The following NOTCH2 variants were observed in gnomAD, a reference collection of about 807,000 sequenced individuals.
The protein encoded by NOTCH2 is neurogenic locus notch homolog protein 2.
Under a neutral mutation model 235.8 loss-of-function variants are expected in NOTCH2, and 29 were observed. The observed-to-expected ratio is 0.12, with a 90% CI of 0.09 to 0.17. NOTCH2 has a LOEUF of 0.17. NOTCH2 is among the 10% of genes least tolerant of loss of function. The pLI, the probability that NOTCH2 is intolerant of heterozygous loss-of-function variation, is 1.00. For missense variants in NOTCH2, 2,285 were observed against 3,150.2 expected, an observed-to-expected ratio of 0.73 and a Z score of 6.57; for synonymous variants, 1,086 against 1,141.5, an observed-to-expected ratio of 0.95 and a Z score of 0.98.
intron 10 of NOTCH2, among the ~76,000 whole-genome samples, chr1:119,964,909 T>C (rs1206871357): frequency 1.3e-5 from 2 of 152,198 alleles, no homozygotes; most frequent in Non-Finnish European, 2.9e-5. Flanking sequence ...GCACAGATCG[T>C]TTTTGACTCT....
chr1:119,987,219 A>G (rs1391268147), intron 4 of NOTCH2, 137 bp from the exon 5 acceptor site: 1 of 986,756 alleles, frequency 1.0e-6, no homozygotes, highest in Non-Finnish European at 1.5e-6. Context: ...AGGACTCACC[A>G]TATGAAAAAT....
rs1009347541 is a variant in NOTCH2 at position 119,940,825 on chromosome 1, T to G, written c.2982-69A>C. ...GTGACTTACTACTACAAAGTAAGAT[T>G]TCTGGAATCTAAGATCATACAGAGG... On this transcript the variant is annotated intron_variant, in intron 18 of 33. Coordinates refer to ENST00000256646, the MANE Select transcript of NOTCH2 (RefSeq NM_024408.4). The G allele has an allele frequency of 4.4e-6, 6 of 1,367,204 alleles. No homozygotes were observed. The East Asian group carries it at 1.4e-4, about 32-fold the overall frequency. The allele number at this position is 1,367,204 out of a possible 1,614,324, so 84.7% of individuals were successfully genotyped here.
intron 31 of NOTCH2, among the ~76,000 whole-genome samples, 176 bp downstream of exon 31, chr1:119,919,136 G>A (rs1239044654): frequency 6.6e-6 from 1 of 152,168 alleles, no homozygotes; most frequent in Admixed American, 6.5e-5. Context: ...ATATAGCTAG[G>A]TCAATTTGCC....
At chr1:120,039,167 TA>T (rs1570774009) in intron 1 of NOTCH2, among the ~76,000 whole-genome samples, 1 of 152,102 alleles carries the variant, frequency 6.6e-6, no homozygotes, top group Non-Finnish European at 1.5e-5. Flanking sequence ...CTCAGTGTAA[TA>T]AAACCCAACA....
At position 119,965,417 on chromosome 1, in the gene NOTCH2, A is replaced by T. The variant is rs782785937; in HGVS notation, c.1681+36T>A. 2.0e-6 allele frequency: 3 copies of T among 1,494,672 alleles called. No individual in the cohort carries two copies. In the South Asian group the frequency reaches 3.4e-5, roughly 17 times the overall value. The allele number at this position is 1,494,672 out of a possible 1,614,324, so 92.6% of individuals were successfully genotyped here. A position where few individuals can be genotyped will look rare whatever the true frequency, so the allele number is the denominator to read the frequency against. ...CAATCACCCTATTTTGTTCAGATGG[A>T]CCTACCAAGGAGATGAAAAGTGAGA... On this transcript the variant is annotated intron_variant, in intron 10 of 33. Coordinates refer to ENST00000256646, the MANE Select transcript of NOTCH2 (RefSeq NM_024408.4).
Position 119,948,996 on chromosome 1 carries a change from CA to C in NOTCH2, c.2599+10del. 6.2e-7 allele frequency: 1 copy of C among 1,614,172 alleles called. No homozygotes were observed. The highest frequency in any genetic ancestry group is 8.5e-7 in the Non-Finnish European group (1 of 1,180,026). ...TGCATGTTCTTGGCTTCTCCACACC[CA>C]TGTTCTTACCTTGCCAGCCAGGAGC... is the stretch of plus-strand genomic sequence containing the variant. On this transcript the variant is annotated intron_variant, in intron 16 of 33. Coordinates refer to ENST00000256646, the MANE Select transcript of NOTCH2 (RefSeq NM_024408.4).
chr1:119,919,712 A>C, intron 30 of NOTCH2, 99 bp from the exon 31 acceptor site: 2 of 1,156,060 alleles, frequency 1.7e-6, no homozygotes, highest in Non-Finnish European at 2.5e-6. Flanking sequence ...TCTTAGGGGC[A>C]AAGAATTCCC....
Position 119,925,393 on chromosome 1 carries a change from A to G in NOTCH2, c.4423T>C (p.Tyr1475His). ...NCSSPLPCWD[Y>H]INNQCDELCN... Reference sequence around the variant, plus strand: ...AGCTCATCACACTGGTTGTTGATATAATCCCAGCAGGGAAGTGGGGAGGAG... The same window carrying G: ...AGCTCATCACACTGGTTGTTGATATGATCCCAGCAGGGAAGTGGGGAGGAG... The change falls in exon 25 of 34, where the codon TAT becomes CAT. Residue 1475 changes from tyrosine to histidine, a missense_variant. Transcript: ENST00000256646. The G allele has an allele frequency of 3.7e-6, 6 of 1,614,180 alleles. No individual in the cohort carries two copies. Among genetic ancestry groups the G allele is most frequent in the Non-Finnish European group, 5.1e-6 (6 of 1,180,028 alleles).
At chr1:119,923,502 G>A (rs916801935) in intron 26 of NOTCH2, 135 bp downstream of exon 26, 79 of 792,548 alleles carry the variant, frequency 1.0e-4, no homozygotes, top group African/African-American at 9.2e-4. Flanking sequence ...CTGGGGTAAC[G>A]GGTTTATCTT....
intron 4 of NOTCH2, chr1:119,995,470 G>A (rs782318615): frequency 5.3e-5 from 8 of 152,086 alleles, no homozygotes; most frequent in Non-Finnish European, 8.8e-5. Flanking sequence ...TAGAATATCA[G>A]ACCCAGAGAT....
intron 18 of NOTCH2, 47 bp downstream of exon 18, chr1:119,941,479 T>C (rs782222091): frequency 7.3e-7 from 1 of 1,367,794 alleles, no homozygotes; most frequent in East Asian, 2.3e-5. Context: ...CTTCCCTTTC[T>C]CCCTTTCTCT....
chr1:119,984,977 C>A (rs181203867), intron 5 of NOTCH2, among the ~76,000 whole-genome samples: 95 of 151,912 alleles, frequency 6.3e-4, no homozygotes, highest in African/African-American at 1.9e-3. Context: ...AGAAGGAAAC[C>A]CTAGAGAAAA....
intron 3 of NOTCH2, among the ~76,000 whole-genome samples, chr1:120,002,522 C>T (rs1227996409): frequency 6.6e-6 from 1 of 150,660 alleles, no homozygotes; most frequent in African/African-American, 2.4e-5. Context: ...TTGGGCCTCT[C>T]CATCAGGAAA....
intron 3 of NOTCH2, among the ~76,000 whole-genome samples, chr1:120,002,262 C>T (rs868954972): frequency 7.3e-5 from 11 of 150,706 alleles, no homozygotes; most frequent in South Asian, 2.1e-4. Flanking sequence ...TGGGTTCCTA[C>T]CTTTAAGTAA....
intron 15 of NOTCH2, chr1:119,950,004 G>C (rs1329269474): frequency 6.2e-6 from 1 of 160,398 alleles, no homozygotes; most frequent in Non-Finnish European, 1.4e-5. Flanking sequence ...AGAAAACAAA[G>C]AATAAATGTC....
chr1:119,981,698 G>A (rs1553201664), intron 5 of NOTCH2, among the ~76,000 whole-genome samples: 1 of 152,068 alleles, frequency 6.6e-6, no homozygotes, highest in African/African-American at 2.4e-5. Flanking sequence ...CTGGGGCAAG[G>A]GTGCTTCAGG....
At chr1:120,003,594 G>GA (rs1457410762) in intron 3 of NOTCH2, among the ~76,000 whole-genome samples, 3 of 150,776 alleles carry the variant, frequency 2.0e-5, no homozygotes, top group Non-Finnish European at 3.0e-5. Flanking sequence ...TAAAGCAGGA[G>GA]AAAAAATGAA....
intron 5 of NOTCH2, 34 bp downstream of exon 5, chr1:119,986,926 T>C (rs1361087631): frequency 1.9e-6 from 3 of 1,613,138 alleles, no homozygotes; most frequent in Non-Finnish European, 8.5e-7. Context: ...CCAATCCATA[T>C]CCCATTCTGG....
Position 119,922,356 on chromosome 1 carries a change from A to G in NOTCH2, c.5093T>C (p.Ile1698Thr), listed in dbSNP as rs751453549. ...IILFIILLGV[I>T]MAKRKRKHGS... ...ATGCTTACGCTTTCGTTTTGCCATG[A>G]TTACCCCCAGCAGAATAATAAACAG... The change falls in exon 28 of 34, where the codon ATC (isoleucine) becomes ACC (threonine). Residue 1698 changes from isoleucine to threonine, a missense_variant. Physicochemically the swap from Ile to Thr is moderately conservative, Grantham distance 89 (BLOSUM62 -1). Transcript: ENST00000256646. The G allele has an allele frequency of 6.2e-7, 1 of 1,614,162 alleles. No homozygotes were observed. Among genetic ancestry groups the G allele is most frequent in the East Asian group, 2.2e-5 (1 of 44,872 alleles).
Sources: gnomAD v4.1 joint callset for allele counts (sites outside exome capture counted in the v4.1 genomes callset) on GRCh38, gnomAD v4.1.1 for gene constraint, MANE v1.5 for transcripts, NCBI Gene and HGNC (gene_info 2026-07-23, HGNC 2026-07-21) for gene names.